The following AHCYL2 variants were observed in gnomAD, a reference collection of about 807,000 sequenced individuals.
The protein encoded by AHCYL2 is S-adenosylhomocysteine hydrolase-like protein 2.
Under a neutral mutation model 81.4 loss-of-function variants are expected in AHCYL2, and 28 were observed. That is an observed-to-expected ratio of 0.34 (90% CI 0.25 to 0.47). AHCYL2 has a LOEUF of 0.47. Among genes scored for constraint, AHCYL2 ranks in the 20% least tolerant of loss-of-function variants. AHCYL2 has a pLI of 1.00. For missense variants in AHCYL2, 551 were observed against 785.1 expected (o/e 0.70, Z 3.56); for synonymous variants, 272 against 290.2 (o/e 0.94, Z 0.64).
intron 1 of AHCYL2, among the ~76,000 whole-genome samples, chr7:129,333,153 C>T (rs1003146880): frequency 6.6e-6 from 1 of 151,754 alleles, no homozygotes; most frequent in Non-Finnish European, 1.5e-5. Flanking sequence ...CAAAGAGTTA[C>T]GCTTTGGGTA....
intron 1 of AHCYL2, among the ~76,000 whole-genome samples, chr7:129,269,609 T>C (rs1411980876): frequency 6.6e-6 from 1 of 151,376 alleles, no homozygotes; most frequent in Non-Finnish European, 1.5e-5. Context: ...TTTTGTTTTG[T>C]TTTTTAATAG....
chr7:129,236,973 G>T (rs1287002146), intron 1 of AHCYL2, among the ~76,000 whole-genome samples: 1 of 150,898 alleles, frequency 6.6e-6, no homozygotes, highest in Non-Finnish European at 1.5e-5. Flanking sequence ...CCTTCGTATT[G>T]GATTTTTTTT....
At chr7:129,227,608 CAAAA>C (rs57256611) in intron 1 of AHCYL2, among the ~76,000 whole-genome samples, 9 of 80,746 alleles carry the variant, frequency 1.1e-4, no homozygotes, top group African/African-American at 2.0e-4. Context: ...GACCTTGTCT[CAAAA>C]AAAAAAAAAA....
At chr7:129,358,032 A>C (rs1033579465) in intron 1 of AHCYL2, among the ~76,000 whole-genome samples, 34 of 152,284 alleles carry the variant, frequency 2.2e-4, no homozygotes, top group African/African-American at 7.7e-4. Context: ...AAACAACACA[A>C]ATGCCTATCG....
intron 1 of AHCYL2, among the ~76,000 whole-genome samples, chr7:129,303,172 G>T (rs1360516076): frequency 2.0e-5 from 3 of 152,088 alleles, no homozygotes; most frequent in African/African-American, 4.8e-5. Flanking sequence ...GGTTAATTTT[G>T]TATTTTTAGT....
intron 1 of AHCYL2, among the ~76,000 whole-genome samples, chr7:129,315,859 G>T (rs1015755706): frequency 1.3e-5 from 2 of 152,200 alleles, no homozygotes; most frequent in African/African-American, 4.8e-5. Flanking sequence ...AAAATTAGCC[G>T]TCAGCCATTT....
chr7:129,255,707 G>A (rs1470955935), intron 1 of AHCYL2, among the ~76,000 whole-genome samples: 1 of 152,190 alleles, frequency 6.6e-6, no homozygotes, highest in Non-Finnish European at 1.5e-5. Flanking sequence ...TGAGGGCTTG[G>A]CGCGGTGGTC....
At chr7:129,392,210 T>C (rs1026703176) in intron 4 of AHCYL2, among the ~76,000 whole-genome samples, 5 of 152,354 alleles carry the variant, frequency 3.3e-5, no homozygotes, top group South Asian at 4.1e-4. Flanking sequence ...AAAGAAATTA[T>C]GCTTTGTTTG....
At chr7:129,241,594 A>AAAAAT (rs1372728496) in intron 1 of AHCYL2, among the ~76,000 whole-genome samples, 3 of 152,192 alleles carry the variant, frequency 2.0e-5, no homozygotes, top group Non-Finnish European at 2.9e-5. Context: ...CCATCTCAAA[A>AAAAAT]AAAATAAAAT....
chr7:129,232,510 G>A (rs1460167687), intron 1 of AHCYL2, among the ~76,000 whole-genome samples: 1 of 152,144 alleles, frequency 6.6e-6, no homozygotes, highest in African/African-American at 2.4e-5. Context: ...TTCAAGGGGA[G>A]GCCTAAACAC....
chr7:129,424,173 A>G (rs1797245806), intron 13 of AHCYL2, among the ~76,000 whole-genome samples: 1 of 151,670 alleles, frequency 6.6e-6, no homozygotes. Flanking sequence ...GGAGAAGCAA[A>G]CTGAAGGAGA....
At chr7:129,266,817 A>C (rs1397421636) in intron 1 of AHCYL2, among the ~76,000 whole-genome samples, 2 of 152,226 alleles carry the variant, frequency 1.3e-5, no homozygotes, top group African/African-American at 4.8e-5. Context: ...AGAATGTAAT[A>C]AATACCATAA....
intron 2 of AHCYL2, among the ~76,000 whole-genome samples, chr7:129,385,767 A>C (rs1238856673): frequency 2.6e-5 from 4 of 152,182 alleles, no homozygotes; most frequent in Non-Finnish European, 5.9e-5. Flanking sequence ...CTACTTTAGT[A>C]GGTTATTGGT....
intron 1 of AHCYL2, among the ~76,000 whole-genome samples, chr7:129,235,082 A>G (rs1268176647): frequency 2.0e-5 from 3 of 152,140 alleles, no homozygotes; most frequent in African/African-American, 7.2e-5. Context: ...AAAGTTGTTG[A>G]TGTCCATTAG....
At chr7:129,310,441 A>G (rs933485052) in intron 1 of AHCYL2, among the ~76,000 whole-genome samples, 1 of 152,198 alleles carries the variant, frequency 6.6e-6, no homozygotes, top group Non-Finnish European at 1.5e-5. Context: ...ATGGACATCA[A>G]CATTTGAGGG....
chr7:129,350,011 G>T (rs903617616), intron 1 of AHCYL2, among the ~76,000 whole-genome samples: 1 of 152,146 alleles, frequency 6.6e-6, no homozygotes, highest in Non-Finnish European at 1.5e-5. Flanking sequence ...TCATATTATT[G>T]TACAACTCAA....
intron 1 of AHCYL2, among the ~76,000 whole-genome samples, chr7:129,269,665 G>A (rs532277892): frequency 1.4e-4 from 22 of 152,046 alleles, no homozygotes; most frequent in African/African-American, 5.1e-4. Flanking sequence ...TGAACTCCTC[G>A]GCTCAAGCAG....
chr7:129,412,661 C>G (rs2150951820), intron 11 of AHCYL2, among the ~76,000 whole-genome samples: 1 of 152,274 alleles, frequency 6.6e-6, no homozygotes, highest in East Asian at 1.9e-4. Flanking sequence ...TTCTCCATAT[C>G]TTCACCAACA....
intron 1 of AHCYL2, among the ~76,000 whole-genome samples, chr7:129,242,300 G>A (rs1794887450): frequency 6.6e-6 from 1 of 150,874 alleles, no homozygotes; most frequent in Non-Finnish European, 1.5e-5. Flanking sequence ...AACGTGTTGG[G>A]ATTCCAGGCA....
Sources: gnomAD v4.1 joint callset for allele counts (sites outside exome capture counted in the v4.1 genomes callset) on GRCh38, gnomAD v4.1.1 for gene constraint, MANE v1.5 for transcripts, NCBI Gene and HGNC (gene_info 2026-07-23, HGNC 2026-07-21) for gene names.